The following CREB5 variants were observed in gnomAD, a reference collection of about 807,000 sequenced individuals.
CREB5 encodes the protein cyclic AMP-responsive element-binding protein 5.
Under a neutral mutation model 57.1 loss-of-function variants are expected in CREB5, and 19 were observed. The observed-to-expected ratio is 0.33, with a 90% CI of 0.23 to 0.49. The LOEUF (loss-of-function observed/expected upper bound fraction) is 0.49, where lower values mean the gene tolerates loss of function less well. Ranked by LOEUF, CREB5 falls within the 20% of genes least tolerant of loss-of-function variation. The pLI is 0.99. For synonymous variants in CREB5, 238 were observed against 238.3 expected (o/e 1.00, Z 0.01); for missense variants, 579 against 671.6 (o/e 0.86, Z 1.52).
At chr7:28,398,498 G>A in intron 1 of CREB5, among the ~76,000 whole-genome samples, 1 of 152,114 alleles carries the variant, frequency 6.6e-6, no homozygotes, top group East Asian at 1.9e-4. Context: ...CATATCAATG[G>A]AATCATCAGG....
At chr7:28,390,553 C>G (rs1369923061) in intron 1 of CREB5, among the ~76,000 whole-genome samples, 3 of 152,176 alleles carry the variant, frequency 2.0e-5, no homozygotes, top group Admixed American at 6.6e-5. Context: ...AAACTTCTCC[C>G]TTTATTACTT....
chr7:28,783,511 C>T lies in CREB5; in HGVS notation c.703-20688C>T, dbSNP rs139929148. 4.2e-3 allele frequency among the ~76,000 whole-genome samples: 641 copies of T among 152,224 alleles called. 5 individuals carry two copies. Among genetic ancestry groups the T allele is most frequent in the African/African-American group, 0.014 (565 of 41,520 alleles). ...TGTCATAGTCTGAATAAAAACAAAA[C>T]CAAATGCATGCATTATAACCATTTG... is the stretch of plus-strand genomic sequence containing the variant. On this transcript the variant is annotated intron_variant, in intron 7 of 10. Coordinates refer to ENST00000357727, the MANE Select transcript of CREB5 (RefSeq NM_182898.4).
At chr7:28,480,244 A>G (rs544798093) in intron 1 of CREB5, among the ~76,000 whole-genome samples, 1 of 152,340 alleles carries the variant, frequency 6.6e-6, no homozygotes, top group South Asian at 2.1e-4. Context: ...GGCAAATTTT[A>G]CTGTAGTAGG....
chr7:28,419,270 T>C (rs1159977732), intron 1 of CREB5, among the ~76,000 whole-genome samples: 5 of 152,252 alleles, frequency 3.3e-5, no homozygotes, highest in Non-Finnish European at 5.9e-5. Flanking sequence ...TTGAGCAAGA[T>C]AGACTCTAGC....
chr7:28,560,995 CCTGCGTGTGCGTGTGTGT>C (rs1795235159), intron 4 of CREB5, among the ~76,000 whole-genome samples: 3 of 27,340 alleles, frequency 1.1e-4, no homozygotes, highest in Non-Finnish European at 1.7e-4. Context: ...CGTGTGTGTG[CCTGCGTGTGCGTGTGTGT>C]GTGCGTGTGT....
chr7:28,638,276 C>CACACACACACACACAT (rs1221203763), intron 5 of CREB5, among the ~76,000 whole-genome samples: 1 of 151,124 alleles, frequency 6.6e-6, no homozygotes, highest in Non-Finnish European at 1.5e-5. Flanking sequence ...CACACACACA[C>CACACACACACACACAT]ACACACACAC....
chr7:28,699,467 G>T (rs1801735754), intron 5 of CREB5, among the ~76,000 whole-genome samples: 3 of 152,142 alleles, frequency 2.0e-5, no homozygotes, highest in African/African-American at 7.2e-5. Context: ...TGCTCTCTGG[G>T]AACCAAAATT....
chr7:28,586,900 T>C lies in CREB5; in HGVS notation c.464+16363T>C, dbSNP rs1428536979. 3.3e-5 allele frequency among the ~76,000 whole-genome samples: 5 copies of C among 152,238 alleles called. No individual in the cohort carries two copies. In the East Asian group the frequency reaches 9.6e-4, roughly 29 times the overall value. ...TCACTTTTCCCACCTGGCAAATGCC[T>C]GGCTCAGAAGGGCTGCGGACCAGAG... On this transcript the variant is annotated intron_variant, in intron 5 of 10. Transcript: ENST00000357727.
At position 28,776,943 on chromosome 7, in the gene CREB5, T is replaced by C. The variant is rs374692463; in HGVS notation, c.703-27256T>C. ...ATACCACATTTTATTCACCCATTCA[T>C]CAATTAATGAACATTTGGCTTGTTT... is the stretch of plus-strand genomic sequence containing the variant. On this transcript the variant is annotated intron_variant, in intron 7 of 10. Transcript: ENST00000357727. 2.0e-4 allele frequency among the ~76,000 whole-genome samples: 31 copies of C among 152,348 alleles called. No individual in the cohort carries two copies. The East Asian group carries it at 5.8e-3, about 28-fold the overall frequency.
At chr7:28,361,053 C>T (rs1308733467) in intron 1 of CREB5, among the ~76,000 whole-genome samples, 3 of 152,224 alleles carry the variant, frequency 2.0e-5, no homozygotes, top group Non-Finnish European at 2.9e-5. Flanking sequence ...AAAAAATTAT[C>T]TGACCCCCAA....
intron 4 of CREB5, among the ~76,000 whole-genome samples, chr7:28,551,932 C>A (rs1326449689): frequency 9.0e-6 from 1 of 111,204 alleles, no homozygotes; most frequent in Non-Finnish European, 1.8e-5. Flanking sequence ...TTCTTTCTTT[C>A]TTTTTTCTCT....
intron 1 of CREB5, among the ~76,000 whole-genome samples, chr7:28,406,019 T>A (rs1244830707): frequency 6.6e-6 from 1 of 152,122 alleles, no homozygotes; most frequent in Non-Finnish European, 1.5e-5. Context: ...CTCCACTAAG[T>A]TTGAGAAGTT....
At chr7:28,657,320 C>G (rs1799368715) in intron 5 of CREB5, among the ~76,000 whole-genome samples, 1 of 152,164 alleles carries the variant, frequency 6.6e-6, no homozygotes, top group Non-Finnish European at 1.5e-5. Flanking sequence ...AAGCCAGAGC[C>G]TGCTTTGATA....
chr7:28,722,088 C>T (rs1803063029), intron 6 of CREB5, among the ~76,000 whole-genome samples: 1 of 152,178 alleles, frequency 6.6e-6, no homozygotes. Context: ...TATAAGACGA[C>T]AGTCATGAAG....
intron 5 of CREB5, among the ~76,000 whole-genome samples, chr7:28,659,243 A>T (rs1169011465): frequency 6.6e-6 from 1 of 152,070 alleles, no homozygotes; most frequent in Non-Finnish European, 1.5e-5. Flanking sequence ...CCTCTCAGCA[A>T]CTGGAATTGG....
At chr7:28,517,515 T>C (rs899055185) in intron 4 of CREB5, among the ~76,000 whole-genome samples, 3 of 152,166 alleles carry the variant, frequency 2.0e-5, no homozygotes, top group Admixed American at 2.0e-4. Context: ...TTCACCCAAG[T>C]CCCACCAAAG....
intron 9 of CREB5, among the ~76,000 whole-genome samples, chr7:28,814,208 C>T (rs939510608): frequency 1.3e-5 from 2 of 152,180 alleles, no homozygotes; most frequent in Non-Finnish European, 2.9e-5. Flanking sequence ...AGCGTTTTTA[C>T]TTAAAATATA....
upstream of CREB5, chr7:28,410,157 G>T (rs1057151543): frequency 2.5e-6 from 1 of 404,796 alleles, no homozygotes; most frequent in Admixed American, 2.9e-5. Context: ...GCGGGTGGGC[G>T]CGCGCCCGGG....
At chr7:28,511,087 T>G (rs1792682365) in intron 4 of CREB5, among the ~76,000 whole-genome samples, 1 of 151,972 alleles carries the variant, frequency 6.6e-6, no homozygotes, top group South Asian at 2.1e-4. Flanking sequence ...TTCAGGTAGT[T>G]TACCTCTAGG....
Sources: gnomAD v4.1 joint callset for allele counts (sites outside exome capture counted in the v4.1 genomes callset) on GRCh38, gnomAD v4.1.1 for gene constraint, MANE v1.5 for transcripts, NCBI Gene and HGNC (gene_info 2026-07-23, HGNC 2026-07-21) for gene names.